SYT14: variants seen among roughly 807,000 people sequenced by gnomAD.
SYT14 encodes the protein synaptotagmin 14.
Under a neutral mutation model 74.2 loss-of-function variants are expected in SYT14, and 32 were observed. That is an observed-to-expected ratio of 0.43 (90% CI 0.33 to 0.58). The LOEUF is 0.58. Among genes scored for constraint, SYT14 ranks in the 20% least tolerant of loss-of-function variants. The pLI, the probability that SYT14 is intolerant of heterozygous loss-of-function variation, is 0.05. For synonymous variants in SYT14, 298 were observed against 337.7 expected, an observed-to-expected ratio of 0.88 and a Z score of 1.29; for missense variants, 791 against 981.8, an observed-to-expected ratio of 0.81 and a Z score of 2.60.
At chr1:210,131,557 G>A (rs1035495747) in intron 7 of SYT14, among the ~76,000 whole-genome samples, 7 of 151,134 alleles carry the variant, frequency 4.6e-5, no homozygotes, top group African/African-American at 1.5e-4. Context: ...ATATATATAT[G>A]TATATGTACA....
chr1:209,991,469 C>T (rs902197847), intron 2 of SYT14, among the ~76,000 whole-genome samples: 13 of 152,006 alleles, frequency 8.6e-5, no homozygotes, highest in Admixed American at 5.9e-4. Context: ...AAGTGAGCAA[C>T]GGAAATGCAC....
chr1:209,992,054 A>G (rs898404049), intron 2 of SYT14, among the ~76,000 whole-genome samples: 1 of 152,208 alleles, frequency 6.6e-6, no homozygotes, highest in African/African-American at 2.4e-5. Flanking sequence ...CTGCACCTGT[A>G]TGTTTATTGC....
intron 5 of SYT14, among the ~76,000 whole-genome samples, chr1:210,085,703 T>C (rs1359531941): frequency 6.6e-6 from 1 of 152,212 alleles, no homozygotes; most frequent in African/African-American, 2.4e-5. Context: ...ATCTTAAATG[T>C]TAAATGTTGC....
intron 5 of SYT14, among the ~76,000 whole-genome samples, chr1:210,076,680 A>G (rs1260139163): frequency 2.6e-5 from 4 of 152,180 alleles, no homozygotes; most frequent in Non-Finnish European, 5.9e-5. Context: ...ACTTAGAATC[A>G]TGGCAGAAGA....
chr1:210,155,157 CTTCAATCTCTAGTGGTGA>C (rs906437677), intron 7 of SYT14, among the ~76,000 whole-genome samples: 5 of 152,146 alleles, frequency 3.3e-5, no homozygotes, highest in Admixed American at 3.3e-4. Flanking sequence ...TTGTATACTT[CTTCAATCTCTAGTGGTGA>C]TTATTGCCTT....
At chr1:210,069,632 G>C (rs976881067) in intron 5 of SYT14, among the ~76,000 whole-genome samples, 1 of 147,306 alleles carries the variant, frequency 6.8e-6, no homozygotes, top group Admixed American at 6.6e-5. Flanking sequence ...TATTTGTTAA[G>C]TTATCTTTTT....
At chr1:209,938,245 C>T (rs1191480440) in exon 1 of SYT14, 6 of 1,548,664 alleles carry the variant, frequency 3.9e-6, no homozygotes, top group African/African-American at 1.4e-5. Context: ...CCAGTTGGTG[C>T]GGTCCATGGC....
chr1:210,156,719 G>GTTTTTT (rs2083276184), intron 8 of SYT14, among the ~76,000 whole-genome samples: 1 of 60,322 alleles, frequency 1.7e-5, no homozygotes, highest in African/African-American at 8.0e-5. Context: ...TTTGGAGACA[G>GTTTTTT]TTTTGTTCTT....
chr1:209,939,562 TA>T (rs1319670803), intron 1 of SYT14, among the ~76,000 whole-genome samples: 1 of 152,252 alleles, frequency 6.6e-6, no homozygotes, highest in Non-Finnish European at 1.5e-5. Flanking sequence ...GATCTACCTA[TA>T]ATCTATGATG....
At chr1:210,041,834 A>T (rs567202712) in intron 5 of SYT14, among the ~76,000 whole-genome samples, 29 of 152,178 alleles carry the variant, frequency 1.9e-4, no homozygotes, top group African/African-American at 6.3e-4. Flanking sequence ...GAAGCCAGGG[A>T]TCCATGGTGA....
chr1:209,972,279 A>G (rs191648607), intron 2 of SYT14, among the ~76,000 whole-genome samples: 26 of 151,860 alleles, frequency 1.7e-4, no homozygotes, highest in Non-Finnish European at 2.4e-4. Context: ...TGGCCTATCA[A>G]TGTTGTTTAT....
intron 5 of SYT14, among the ~76,000 whole-genome samples, chr1:210,090,769 A>T (rs559791750): frequency 4.5e-4 from 68 of 152,144 alleles, no homozygotes; most frequent in African/African-American, 1.6e-3. Flanking sequence ...TACTTTATAA[A>T]ATTATTTAAA....
intron 4 of SYT14, chr1:210,017,211 G>C: frequency 1.4e-6 from 1 of 708,060 alleles, no homozygotes; most frequent in Non-Finnish European, 2.0e-6. Context: ...CTATATTTAA[G>C]ACTTTCTTGA....
At chr1:210,159,926 G>A (rs537364130) in intron 9 of SYT14, among the ~76,000 whole-genome samples, 321 of 152,064 alleles carry the variant, frequency 2.1e-3, no homozygotes, top group Non-Finnish European at 3.6e-3. Context: ...GTTTCACTTC[G>A]TACACTAAAC....
At chr1:210,053,338 G>A (rs1327617140) in intron 5 of SYT14, among the ~76,000 whole-genome samples, 1 of 152,170 alleles carries the variant, frequency 6.6e-6, no homozygotes, top group Non-Finnish European at 1.5e-5. Context: ...TTTGTGTGCT[G>A]AAGTAATAGT....
intron 7 of SYT14, among the ~76,000 whole-genome samples, chr1:210,155,228 TTTGA>T (rs1457306564): frequency 3.3e-5 from 5 of 152,220 alleles, no homozygotes; most frequent in Admixed American, 2.0e-4. Flanking sequence ...CATCAATTTG[TTTGA>T]TTATTTTTTA....
exon 10 of SYT14, chr1:210,160,810 C>T (rs746278965): frequency 5.6e-6 from 9 of 1,613,952 alleles, no homozygotes; most frequent in Non-Finnish European, 7.6e-6. Flanking sequence ...AGAGGGCAGC[C>T]AAATCCAGTA....
intron 9 of SYT14, 99 bp from the exon 9 acceptor site, chr1:210,160,630 C>T: frequency 1.9e-6 from 2 of 1,032,928 alleles, no homozygotes; most frequent in Non-Finnish European, 1.4e-6. Context: ...TACACCATAT[C>T]CTTATAAAGT....
chr1:210,116,848 A>G (rs866197100), intron 7 of SYT14, among the ~76,000 whole-genome samples: 1 of 152,136 alleles, frequency 6.6e-6, no homozygotes, highest in South Asian at 2.1e-4. Context: ...ATTCATCAAC[A>G]TGTCCAAGTA....
Sources: gnomAD v4.1 joint callset for allele counts (sites outside exome capture counted in the v4.1 genomes callset) on GRCh38, gnomAD v4.1.1 for gene constraint, MANE v1.5 for transcripts, NCBI Gene and HGNC (gene_info 2026-07-23, HGNC 2026-07-21) for gene names.